UBE2QL1: variants seen among roughly 807,000 people sequenced by gnomAD.
UBE2QL1 encodes the protein ubiquitin-conjugating enzyme E2Q-like protein 1.
In UBE2QL1, 5 loss-of-function variants were observed where a neutral mutation model predicts 12.6. That is an observed-to-expected ratio of 0.40 (90% CI 0.21 to 0.83). The LOEUF (loss-of-function observed/expected upper bound fraction) is 0.83, where lower values mean the gene tolerates loss of function less well. UBE2QL1 is among the 40% of genes least tolerant of loss of function. The pLI, the probability that UBE2QL1 is intolerant of heterozygous loss-of-function variation, is 0.37. For synonymous variants in UBE2QL1, 96 were observed against 94.5 expected (o/e 1.02, Z -0.10); for missense variants, 99 against 222.6 (o/e 0.44, Z 3.53).
chr5:6,451,474 A>T lies in UBE2QL1; in HGVS notation c.354+2227A>T, dbSNP rs551194260. ...GCAAGTGAGAGATTTCTTTATTGAA[A>T]GTAATTATCAACTTTTTCATTTCTT... is the stretch of plus-strand genomic sequence containing the variant. On this transcript the variant is annotated intron_variant, in intron 1 of 1. Coordinates refer to ENST00000399816, the MANE Select transcript of UBE2QL1 (RefSeq NM_001145161.3). Among the ~76,000 whole-genome samples, 7 of 152,366 alleles carry T rather than the reference A, an allele frequency of 4.6e-5. No individual in the cohort carries two copies. In the South Asian group the frequency reaches 1.2e-3, roughly 27 times the overall value.
chr5:6,462,431 T>A (rs1332816048), intron 1 of UBE2QL1, among the ~76,000 whole-genome samples: 1 of 151,958 alleles, frequency 6.6e-6, no homozygotes, highest in Non-Finnish European at 1.5e-5. Flanking sequence ...GACTGAGGAG[T>A]GAGGCCAGTT....
chr5:6,449,878 C>CCA (rs1293682872), intron 1 of UBE2QL1, among the ~76,000 whole-genome samples: 1 of 135,380 alleles, frequency 7.4e-6, no homozygotes, highest in Non-Finnish European at 1.6e-5. Flanking sequence ...ACCCCCCCCA[C>CCA]ACACACACAC....
At chr5:6,465,209 A>T (rs1739760836) in intron 1 of UBE2QL1, among the ~76,000 whole-genome samples, 2 of 152,038 alleles carry the variant, frequency 1.3e-5, no homozygotes, top group African/African-American at 2.4e-5. Flanking sequence ...CTGGTCTCAA[A>T]CTTTTGACCT....
chr5:6,489,145 G>A (rs2126375053), intron 1 of UBE2QL1, among the ~76,000 whole-genome samples: 1 of 152,174 alleles, frequency 6.6e-6, no homozygotes, highest in Non-Finnish European at 1.5e-5. Flanking sequence ...TTTCAAAAAG[G>A]TGTGCATCGT....
In UBE2QL1 at chr5:6,468,219, G is replaced by A. The variant is rs150886057; in HGVS notation, c.354+18972G>A. ...TTCCAGCCACTGCTGTCTTGAAAAT[G>A]CCTTGTCCTGGTTGAGCGAGCCCCC... On this transcript the variant is annotated intron_variant, in intron 1 of 1. Transcript: ENST00000399816. 3.5e-4 allele frequency among the ~76,000 whole-genome samples: 53 copies of A among 152,244 alleles called. No individual in the cohort carries two copies. In the East Asian group the frequency reaches 9.9e-3, roughly 28 times the overall value.
chr5:6,461,609 A>G (rs58154226), intron 1 of UBE2QL1, among the ~76,000 whole-genome samples: 6,388 of 141,948 alleles, frequency 0.045, 177 homozygotes, highest in South Asian at 0.097. Flanking sequence ...GGAGCCTGCA[A>G]TGATATCTAA....
In UBE2QL1 at chr5:6,494,524, C is replaced by T. The variant is rs952739831; in HGVS notation, c.*3175C>T. On this transcript the variant is annotated 3_prime_UTR_variant, in exon 2 of 2. Coordinates refer to ENST00000399816, the MANE Select transcript of UBE2QL1 (RefSeq NM_001145161.3). ...AACCCTGGCCAGTCACTCCACCTGC[C>T]TGAGCCTTGGTTTCCTCAGCTGTGA... The T allele has an allele frequency of 6.6e-6, 1 of 152,200 alleles. No individual in the cohort carries two copies. 9.4% of individuals were successfully genotyped at this position (152,200 alleles called of 1,614,324 possible). A position where few individuals can be genotyped will look rare whatever the true frequency, so the allele number is the denominator to read the frequency against.
At chr5:6,486,320 A>G (rs930738134) in intron 1 of UBE2QL1, among the ~76,000 whole-genome samples, 1 of 151,908 alleles carries the variant, frequency 6.6e-6, no homozygotes, top group African/African-American at 2.4e-5. Flanking sequence ...GCACACACAC[A>G]CACAAGCACA....
intron 1 of UBE2QL1, among the ~76,000 whole-genome samples, chr5:6,453,777 A>G (rs1209341411): frequency 1.3e-5 from 2 of 152,186 alleles, no homozygotes; most frequent in East Asian, 3.9e-4. Context: ...AGGCCTAGAA[A>G]TAGCACTTTA....
chr5:6,472,787 G>A (rs962695617), intron 1 of UBE2QL1, among the ~76,000 whole-genome samples: 1 of 151,928 alleles, frequency 6.6e-6, no homozygotes, highest in African/African-American at 2.4e-5. Flanking sequence ...CCCTAATTTT[G>A]AACAAGTTAC....
chr5:6,449,128 G>C lies in UBE2QL1; in HGVS notation c.235G>C (p.Gly79Arg). 2 of 1,546,616 alleles carry C rather than the reference G, an allele frequency of 1.3e-6. No homozygotes were observed. The highest frequency in any genetic ancestry group is 1.7e-6 in the Non-Finnish European group (2 of 1,144,926). Residue 79 changes from glycine to arginine, a missense_variant, in exon 1 of 2, where the codon GGC (glycine) becomes CGC (arginine). Coordinates refer to ENST00000399816, the MANE Select transcript of UBE2QL1 (RefSeq NM_001145161.3). Reference sequence around the variant, plus strand: ...GGTGCTCAGCCCGCGCCTGGAGAACGGCTACGTGCTGGACGGCGGCGCCAT... The same window carrying C: ...GGTGCTCAGCCCGCGCCTGGAGAACCGCTACGTGCTGGACGGCGGCGCCAT... ...MRVLSPRLEN[G>R]YVLDGGAICM...
intron 1 of UBE2QL1, among the ~76,000 whole-genome samples, chr5:6,466,783 T>A (rs1487202751): frequency 6.6e-6 from 1 of 152,262 alleles, no homozygotes; most frequent in Non-Finnish European, 1.5e-5. Flanking sequence ...ATTATCTTTC[T>A]CTAAACACTG....
chr5:6,487,634 G>A (rs954255209), intron 1 of UBE2QL1, among the ~76,000 whole-genome samples: 1 of 152,214 alleles, frequency 6.6e-6, no homozygotes, highest in African/African-American at 2.4e-5. Context: ...TAGTTAAATA[G>A]AAACAGACAA....
intron 1 of UBE2QL1, among the ~76,000 whole-genome samples, chr5:6,474,707 G>A (rs180940113): frequency 1.9e-3 from 289 of 152,298 alleles, no homozygotes; most frequent in Non-Finnish European, 2.7e-3. Flanking sequence ...AGGCTTCGTC[G>A]TTCATTCCTC....
chr5:6,473,762 G>A (rs1734151263), intron 1 of UBE2QL1, among the ~76,000 whole-genome samples: 2 of 152,324 alleles, frequency 1.3e-5, no homozygotes, highest in South Asian at 4.1e-4. Flanking sequence ...CTTCAAATAT[G>A]GAGATTGAAG....
At position 6,491,798 on chromosome 5, in the gene UBE2QL1, T is replaced by C. The variant is rs1393663411; in HGVS notation, c.*449T>C. ...CCGTGCGTCCCCGGCACGTGTTTGCTGTGCTCTGTATCTCTGTTTTTCTTC... is the reference window on the plus strand; with the variant it reads ...CCGTGCGTCCCCGGCACGTGTTTGCCGTGCTCTGTATCTCTGTTTTTCTTC... On this transcript the variant is annotated 3_prime_UTR_variant, in exon 2 of 2. Transcript: ENST00000399816. 1 of 155,082 alleles carries C rather than the reference T, an allele frequency of 6.4e-6. No homozygotes were observed. The highest frequency in any genetic ancestry group is 2.4e-5 in the African/African-American group (1 of 41,522). The allele number at this position is 155,082 out of a possible 1,614,324, so 9.6% of individuals were successfully genotyped here. A position where few individuals can be genotyped will look rare whatever the true frequency, so the allele number is the denominator to read the frequency against.
intron 1 of UBE2QL1, among the ~76,000 whole-genome samples, chr5:6,468,722 C>T (rs1285222837): frequency 6.6e-6 from 1 of 152,194 alleles, no homozygotes; most frequent in East Asian, 1.9e-4. Flanking sequence ...GAATTTTACT[C>T]AGTTAACTTA....
chr5:6,451,487 T>C (rs936977162), intron 1 of UBE2QL1, among the ~76,000 whole-genome samples: 3 of 152,232 alleles, frequency 2.0e-5, no homozygotes, highest in African/African-American at 7.2e-5. Context: ...AATTATCAAC[T>C]TTTTCATTTC....
At chr5:6,470,849 G>A (rs1374653823) in intron 1 of UBE2QL1, among the ~76,000 whole-genome samples, 1 of 152,170 alleles carries the variant, frequency 6.6e-6, no homozygotes, top group African/African-American at 2.4e-5. Context: ...ATCAAAGGGT[G>A]GGAACACCCT....
Sources: gnomAD v4.1 joint callset for allele counts (sites outside exome capture counted in the v4.1 genomes callset) on GRCh38, gnomAD v4.1.1 for gene constraint, MANE v1.5 for transcripts, NCBI Gene and HGNC (gene_info 2026-07-23, HGNC 2026-07-21) for gene names.